The following BTBD8 variants were observed in gnomAD, a reference collection of about 807,000 sequenced individuals.
The protein encoded by BTBD8 is BTB/POZ domain-containing protein 8.
In BTBD8, 110 loss-of-function variants were observed where a neutral mutation model predicts 162.9. That is an observed-to-expected ratio of 0.68 (90% CI 0.58 to 0.79). BTBD8 has a LOEUF of 0.79. Among genes scored for constraint, BTBD8 ranks in the 30% least tolerant of loss-of-function variants. The pLI, the probability that BTBD8 is intolerant of heterozygous loss-of-function variation, is 0.00. For missense variants in BTBD8, 1,905 were observed against 2,085.4 expected (o/e 0.91, Z 1.68); for synonymous variants, 667 against 716.1 (o/e 0.93, Z 1.10).
At position 92,088,912 on chromosome 1, in the gene BTBD8, T is replaced by G. The variant is rs1648228314; in HGVS notation, c.347+17T>G. ...GTTTTTACAGTAAGTGCTTTCTTTATCCATGTAAGTCTAATATGTAATTGC... is the reference window on the plus strand; with the variant it reads ...GTTTTTACAGTAAGTGCTTTCTTTAGCCATGTAAGTCTAATATGTAATTGC... On this transcript the variant is annotated intron_variant, in intron 2 of 17. Coordinates refer to ENST00000636805, the MANE Select transcript of BTBD8 (RefSeq NM_001376131.1). The G allele has an allele frequency of 6.4e-7, 1 of 1,567,414 alleles. No individual in the cohort carries two copies. Among genetic ancestry groups the G allele is most frequent in the African/African-American group, 1.4e-5 (1 of 73,512 alleles).
intron 13 of BTBD8, among the ~76,000 whole-genome samples, chr1:92,176,058 C>G (rs761788682): frequency 6.6e-6 from 1 of 151,988 alleles, no homozygotes; most frequent in African/African-American, 2.4e-5. Context: ...GTCCAAAAAC[C>G]AAGCTTTGCA....
At chr1:92,178,702 G>T (rs183082460) in intron 16 of BTBD8, among the ~76,000 whole-genome samples, 189 of 152,204 alleles carry the variant, frequency 1.2e-3, no homozygotes, top group African/African-American at 4.4e-3. Flanking sequence ...ACCCAGGCTG[G>T]AGTACAGTGG....
chr1:92,170,660 T>A (rs1006161289), intron 12 of BTBD8, among the ~76,000 whole-genome samples: 2 of 152,148 alleles, frequency 1.3e-5, no homozygotes, highest in Non-Finnish European at 2.9e-5. Context: ...TATATATTTC[T>A]TCAAAATATG....
intron 3 of BTBD8, among the ~76,000 whole-genome samples, chr1:92,106,440 C>T (rs1648729007): frequency 6.6e-6 from 1 of 151,778 alleles, no homozygotes; most frequent in Admixed American, 6.6e-5. Flanking sequence ...GCGGGCAGAT[C>T]ACGAGGTCAG....
chr1:92,082,287 C>T (rs535962884), intron 1 of BTBD8, among the ~76,000 whole-genome samples: 1 of 152,172 alleles, frequency 6.6e-6, no homozygotes, highest in Non-Finnish European at 1.5e-5. Flanking sequence ...TTAATTTTCT[C>T]CAAGCATAGC....
At chr1:92,115,285 C>T in intron 4 of BTBD8, 1 of 462,192 alleles carries the variant, frequency 2.2e-6, no homozygotes, top group South Asian at 1.9e-5. Flanking sequence ...GACTGTGATC[C>T]TGATTCCTCC....
chr1:92,112,503 C>T (rs1267372903), intron 4 of BTBD8, among the ~76,000 whole-genome samples: 1 of 151,960 alleles, frequency 6.6e-6, no homozygotes, highest in Non-Finnish European at 1.5e-5. Context: ...AAAAGATGGG[C>T]CTTATGATAA....
chr1:92,104,950 GAGA>G (rs1230538457), intron 3 of BTBD8, among the ~76,000 whole-genome samples: 3 of 104,926 alleles, frequency 2.9e-5, no homozygotes, highest in Non-Finnish European at 6.1e-5. Context: ...TTTTTTTTTT[GAGA>G]AGGAGTCTCA....
At chr1:92,135,244 T>C (rs577222718) in intron 5 of BTBD8, among the ~76,000 whole-genome samples, 1 of 150,586 alleles carries the variant, frequency 6.6e-6, no homozygotes, top group African/African-American at 2.4e-5. Context: ...GGAGTGCAGT[T>C]GCGCGAACTT....
Position 92,177,749 on chromosome 1 carries a change from T to A in BTBD8, c.2354-62T>A, listed in dbSNP as rs1464582368. Reference sequence around the variant, plus strand: ...TGTTTATAGTGTCTAACCAGTAAACTTACACGTTTGTTACATATTTAATGT... The same window carrying A: ...TGTTTATAGTGTCTAACCAGTAAACATACACGTTTGTTACATATTTAATGT... On this transcript the variant is annotated intron_variant, in intron 14 of 17. Transcript: ENST00000636805. 2.9e-6 allele frequency: 3 copies of A among 1,027,654 alleles called. No individual in the cohort carries two copies. In the East Asian group the frequency reaches 7.8e-5, roughly 27 times the overall value. 63.7% of individuals were successfully genotyped at this position (1,027,654 alleles called of 1,614,324 possible). A position where few individuals can be genotyped will look rare whatever the true frequency, so the allele number is the denominator to read the frequency against.
intron 2 of BTBD8, 82 bp from the exon 3 acceptor site, chr1:92,102,391 T>A: frequency 2.7e-6 from 3 of 1,107,364 alleles, no homozygotes; most frequent in Non-Finnish European, 3.6e-6. Flanking sequence ...TATATGAAAG[T>A]AGCACACTAA....
At position 92,184,120 on chromosome 1, in the gene BTBD8, TTTA is replaced by T; in HGVS notation, c.5170_5172del (p.Leu1724del). 2 of 1,551,650 alleles carry T rather than the reference TTTA, an allele frequency of 1.3e-6. No individual in the cohort carries two copies. The highest frequency in any genetic ancestry group is 1.7e-6 in the Non-Finnish European group (2 of 1,146,892). ...CAAATTCCGTTCCTGAAGACTTAAG[TTTA>T]GCACAGTATCTAATCAATCAGACAC... On this transcript the variant is annotated inframe_deletion, in exon 18 of 18. Coordinates refer to ENST00000636805, the MANE Select transcript of BTBD8 (RefSeq NM_001376131.1).
rs1423851452 is a variant in BTBD8, at chr1:92,108,081, G to T, written c.662+80G>T. 8 of 1,332,224 alleles carry T rather than the reference G, an allele frequency of 6.0e-6. No homozygotes were observed. In the Admixed American group the frequency reaches 1.2e-4, roughly 21 times the overall value. The allele number at this position is 1,332,224 out of a possible 1,614,324, so 82.5% of individuals were successfully genotyped here. Reference sequence around the variant, plus strand: ...GCAGCTGTCTCTTACCAGCACGGTGGTTTTCAAACTCTGGTTTTCACACAG... The same window carrying T: ...GCAGCTGTCTCTTACCAGCACGGTGTTTTTCAAACTCTGGTTTTCACACAG... On this transcript the variant is annotated intron_variant, in intron 4 of 17. Transcript: ENST00000636805.
In BTBD8 at chr1:92,152,495, A is replaced by G. The variant is rs191144257; in HGVS notation, c.1122+4709A>G. On this transcript the variant is annotated intron_variant, in intron 9 of 17. Coordinates refer to ENST00000636805, the MANE Select transcript of BTBD8 (RefSeq NM_001376131.1). Reference sequence around the variant, plus strand: ...AACCTGGTTAGAGGACAATTTTAAAATAAGTAGGTTAGGGCATTCCTGAAA... The same window carrying G: ...AACCTGGTTAGAGGACAATTTTAAAGTAAGTAGGTTAGGGCATTCCTGAAA... Among the ~76,000 whole-genome samples, 4 of 152,310 alleles carry G rather than the reference A, an allele frequency of 2.6e-5. No individual in the cohort carries two copies. In the East Asian group the frequency reaches 7.7e-4, roughly 29 times the overall value.
chr1:92,184,331 G>A lies in BTBD8; in HGVS notation c.*1G>A. 1 of 1,521,114 alleles carries A rather than the reference G, an allele frequency of 6.6e-7. No homozygotes were observed. Among genetic ancestry groups the A allele is most frequent in the Non-Finnish European group, 8.8e-7 (1 of 1,132,202 alleles). 94.2% of individuals were successfully genotyped at this position (1,521,114 alleles called of 1,614,324 possible). The stretch of plus-strand genomic sequence containing the variant: ...TCTGGAACTGGAAACTCAGCATTAA[G>A]TGTTAACATTTTGGAAAAATTTATG... On this transcript the variant is annotated 3_prime_UTR_variant, in exon 18 of 18. Transcript: ENST00000636805.
intron 13 of BTBD8, among the ~76,000 whole-genome samples, chr1:92,173,416 A>T (rs759312412): frequency 6.6e-6 from 1 of 152,224 alleles, no homozygotes; most frequent in African/African-American, 2.4e-5. Context: ...GAAATGGTGC[A>T]CTAGGACATT....
At chr1:92,142,842 A>G (rs1649809871) in intron 7 of BTBD8, among the ~76,000 whole-genome samples, 1 of 152,208 alleles carries the variant, frequency 6.6e-6, no homozygotes, top group Non-Finnish European at 1.5e-5. Context: ...ATTAGAACAA[A>G]GCTAAGGACA....
chr1:92,155,039 C>T lies in BTBD8; in HGVS notation c.1122+7253C>T, dbSNP rs1431359584. 3.3e-5 allele frequency among the ~76,000 whole-genome samples: 5 copies of T among 152,154 alleles called. No individual in the cohort carries two copies. The East Asian group carries it at 7.7e-4, about 23-fold the overall frequency. ...AGACTTTCCTGACCCATTGTGTATT[C>T]TTGGCACCTTTACTAAAGAGCAGTT... On this transcript the variant is annotated intron_variant, in intron 9 of 17. Coordinates refer to ENST00000636805, the MANE Select transcript of BTBD8 (RefSeq NM_001376131.1).
At chr1:92,161,707 CTGTGTTAGTAAGAGTATA>C (rs773074581) in intron 9 of BTBD8, among the ~76,000 whole-genome samples, 14 of 152,172 alleles carry the variant, frequency 9.2e-5, no homozygotes, top group Admixed American at 1.3e-4. Context: ...TAAATTTTCA[CTGTGTTAGTAAGAGTATA>C]TGGGATAAAT....
Sources: allele counts gnomAD v4.1 joint callset (sites outside exome capture counted in the v4.1 genomes callset), GRCh38; gene constraint gnomAD v4.1.1; transcripts MANE v1.5; gene names NCBI Gene and HGNC (gene_info 2026-07-23, HGNC 2026-07-21).